SYNE1: variants seen among roughly 807,000 people sequenced by gnomAD.
SYNE1 encodes the protein nesprin-1.
Under a neutral mutation model 1,111.0 loss-of-function variants are expected in SYNE1, and 616 were observed. The ratio of observed to expected loss-of-function variants is 0.55; its 90% confidence interval spans 0.52 to 0.59. The LOEUF is 0.59. Among genes scored for constraint, SYNE1 ranks in the 20% least tolerant of loss-of-function variants. The pLI is 0.00. For missense variants in SYNE1, 10,006 were observed against 10,417.0 expected, an observed-to-expected ratio of 0.96 and a Z score of 1.72; for synonymous variants, 3,855 against 3,825.8, an observed-to-expected ratio of 1.01 and a Z score of -0.28.
rs750417575 is a variant in SYNE1 at position 152,329,963 on chromosome 6, T to G, written c.14722A>C (p.Ser4908Arg). The G allele has an allele frequency of 7.4e-6, 12 of 1,614,114 alleles. No individual in the cohort carries two copies. The highest frequency in any genetic ancestry group is 1.3e-5 in the African/African-American group (1 of 74,940). Residue 4908 changes from serine to arginine, a missense_variant, in exon 78 of 146, where the codon AGT becomes CGT. By Grantham distance (110) the Ser-to-Arg change is moderately radical. Coordinates refer to ENST00000367255, the MANE Select transcript of SYNE1 (RefSeq NM_182961.4). ...DWLRRVKAEL[S>R]GPVYLDLNLQ... Reference sequence around the variant, plus strand: ...TTGAGGTCTAGGTACACCGGCCCACTGAGCTCTGCCTTCACTCTCCTCAGC... The same window carrying G: ...TTGAGGTCTAGGTACACCGGCCCACGGAGCTCTGCCTTCACTCTCCTCAGC...
chr6:152,379,394 C>T (rs59807633), intron 56 of SYNE1, among the ~76,000 whole-genome samples: 259 of 152,072 alleles, frequency 1.7e-3, no homozygotes, highest in Non-Finnish European at 2.3e-3. Context: ...ATATTATATA[C>T]TTTATAGATC....
chr6:152,544,225 G>A (rs1207999208), intron 3 of SYNE1, among the ~76,000 whole-genome samples: 1 of 152,164 alleles, frequency 6.6e-6, no homozygotes, highest in Non-Finnish European at 1.5e-5. Context: ...TTTGGGTGCT[G>A]CACAGCTGTG....
At chr6:152,427,440 G>A (rs2098377378) in intron 38 of SYNE1, among the ~76,000 whole-genome samples, 1 of 151,990 alleles carries the variant, frequency 6.6e-6, no homozygotes, top group Admixed American at 6.6e-5. Flanking sequence ...TCAGATGCCG[G>A]GCATTACATT....
At position 152,352,160 on chromosome 6, in the gene SYNE1, T is replaced by G; in HGVS notation, c.11447A>C (p.His3816Pro). Reference sequence around the variant, plus strand: ...TTTATCTGAGAATTCCTTTGCTAAATGAAGACCTTTTTCCAGCGTCATGTG... The same window carrying G: ...TTTATCTGAGAATTCCTTTGCTAAAGGAAGACCTTTTTCCAGCGTCATGTG... The part of the protein sequence containing the change: ...KEHMTLEKGL[H>P]LAKEFSDKCK... Residue 3816 changes from histidine to proline, a missense_variant, in exon 70 of 146, where the codon CAT becomes CCT. His to Pro is a moderately conservative substitution (Grantham distance 77). Transcript: ENST00000367255. 6.8e-6 allele frequency: 11 copies of G among 1,614,234 alleles called. No individual in the cohort carries two copies. The highest frequency in any genetic ancestry group is 9.3e-6 in the Non-Finnish European group (11 of 1,180,040).
At chr6:152,381,890 C>T (rs1563559586) in intron 55 of SYNE1, among the ~76,000 whole-genome samples, 1 of 152,160 alleles carries the variant, frequency 6.6e-6, no homozygotes. Flanking sequence ...TACCTCAATA[C>T]TAAGTAAACA....
At chr6:152,603,692 G>A (rs1277374208) in intron 3 of SYNE1, among the ~76,000 whole-genome samples, 1 of 151,058 alleles carries the variant, frequency 6.6e-6, no homozygotes, top group African/African-American at 2.4e-5. Context: ...ATGTATATAT[G>A]TTCTAGAATA....
intron 100 of SYNE1, among the ~76,000 whole-genome samples, chr6:152,267,353 C>T (rs9383983): frequency 0.79 from 120,297 of 152,094 alleles, 48,606 homozygotes; most frequent in African/African-American, 0.94. Context: ...CCTGTATATC[C>T]TCTCAGTTGA....
intron 127 of SYNE1, among the ~76,000 whole-genome samples, chr6:152,197,447 A>G (rs556634188): frequency 2.6e-5 from 4 of 152,286 alleles, no homozygotes; most frequent in Non-Finnish European, 4.4e-5. Context: ...CCATCATAGG[A>G]ATCACTATCT....
At chr6:152,541,225 A>G (rs376921514) in intron 3 of SYNE1, among the ~76,000 whole-genome samples, 3 of 152,310 alleles carry the variant, frequency 2.0e-5, no homozygotes, top group African/African-American at 4.8e-5. Flanking sequence ...CAGTATGGAT[A>G]TTTTAACAAT....
intron 123 of SYNE1, 118 bp downstream of exon 123, chr6:152,213,494 C>G (rs2077937196): frequency 8.9e-7 from 1 of 1,119,920 alleles, no homozygotes; most frequent in Non-Finnish European, 1.4e-6. Flanking sequence ...CAAAATGATG[C>G]ATGCATTTAG....
intron 3 of SYNE1, among the ~76,000 whole-genome samples, chr6:152,624,673 A>G (rs777732595): frequency 2.6e-5 from 4 of 152,216 alleles, no homozygotes; most frequent in Non-Finnish European, 5.9e-5. Flanking sequence ...TTATTCTTAA[A>G]AGCAAATGAA....
rs775809491 is a variant in SYNE1, at chr6:152,289,705, C to T, written c.18012+3883G>A. ...GCGGTGGCGCAATCTCGGTTCACTG[C>T]AAGCTCCGCCTCCCAGGTTCACGTC... On this transcript the variant is annotated intron_variant, in intron 95 of 145. Transcript: ENST00000367255. 3.6e-4 allele frequency among the ~76,000 whole-genome samples: 55 copies of T among 152,158 alleles called. 1 individual carries two copies. Among genetic ancestry groups the T allele is most frequent in the Non-Finnish European group, 7.3e-4 (50 of 68,034 alleles).
chr6:152,164,215 A>G lies in SYNE1; in HGVS notation c.23738T>C (p.Val7913Ala), dbSNP rs746086003. ...TTCTTCCGAGTTACAGGAATCGTAG[A>G]CTATTGGCTTGGCCAGCTCTGACTC... The part of the protein sequence containing the change: ...HIESELAKPI[V>A]YDSCNSEEIQ... The change falls in exon 131 of 146, where the codon GTC becomes GCC. Residue 7913 changes from valine (V) to alanine (A), a missense_variant. Physicochemically the swap from Val to Ala is moderately conservative, Grantham distance 64 (BLOSUM62 0). This residue lies in a region of SYNE1 where 2,182 missense variants were observed against 2,287.8 expected (regional missense o/e 0.95). Coordinates refer to ENST00000367255, the MANE Select transcript of SYNE1 (RefSeq NM_182961.4). The G allele has an allele frequency of 6.2e-7, 1 of 1,614,136 alleles. No homozygotes were observed. Among genetic ancestry groups the G allele is most frequent in the East Asian group, 2.2e-5 (1 of 44,872 alleles).
intron 7 of SYNE1, 26 bp downstream of exon 7, chr6:152,510,985 C>G (rs780787238): frequency 6.3e-7 from 1 of 1,597,206 alleles, no homozygotes; most frequent in Non-Finnish European, 8.6e-7. Flanking sequence ...ATTGCATCAA[C>G]TGAAAGAGGA....
chr6:152,494,774 C>A (rs1269968425), intron 11 of SYNE1, among the ~76,000 whole-genome samples: 3 of 152,182 alleles, frequency 2.0e-5, no homozygotes, highest in Non-Finnish European at 4.4e-5. Context: ...TGCTTTACTT[C>A]CAAAGGAAGC....
intron 4 of SYNE1, among the ~76,000 whole-genome samples, chr6:152,533,118 A>G (rs2099213156): frequency 6.6e-6 from 1 of 152,168 alleles, no homozygotes; most frequent in Non-Finnish European, 1.5e-5. Flanking sequence ...TGTTTCCAAT[A>G]TCTTCAGAAA....
chr6:152,255,718 T>C lies in SYNE1; in HGVS notation c.19133A>G (p.His6378Arg). ...TCCATCATACAACTTCTGCTCCAAG[T>C]GTATACTCTGCCTCTTTGCCCCTCC... ...QSGGAKRQSIHLEQKLYDGVS... is the reference protein window; with the variant it reads ...QSGGAKRQSIRLEQKLYDGVS... Residue 6378 changes from histidine to arginine, a missense_variant, in exon 103 of 146, where the codon CAC becomes CGC. Transcript: ENST00000367255. 1 of 1,614,180 alleles carries C rather than the reference T, an allele frequency of 6.2e-7. No homozygotes were observed. Among genetic ancestry groups the C allele is most frequent in the Non-Finnish European group, 8.5e-7 (1 of 1,180,040 alleles).
chr6:152,149,614 G>A lies in SYNE1; in HGVS notation c.24505C>T (p.Gln8169Ter), dbSNP rs200061696. The A allele has an allele frequency of 6.2e-7, 1 of 1,613,988 alleles. No individual in the cohort carries two copies. The highest frequency in any genetic ancestry group is 1.1e-5 in the South Asian group (1 of 91,074). Residue 8169 changes from glutamine (Q) to a stop codon, truncating the protein, a stop_gained, in exon 136 of 146, where the codon CAA becomes TAA. Transcript: ENST00000367255. LOFTEE classifies it high-confidence loss of function. The part of the protein sequence containing the change: ...NHNKIEQIIA[Q>*]GEQLIEKSEP... ...CTCTTTTCTATCAGCTGTTCTCCTTGGGCAATTATCTGCTCAATCTTATTG... is the reference window on the plus strand; with the variant it reads ...CTCTTTTCTATCAGCTGTTCTCCTTAGGCAATTATCTGCTCAATCTTATTG...
chr6:152,498,692 A>C (rs779653400), intron 11 of SYNE1, 50 bp downstream of exon 11: 1 of 1,284,774 alleles, frequency 7.8e-7, no homozygotes, highest in Non-Finnish European at 1.1e-6. Flanking sequence ...ATGCTACAGA[A>C]TGCAGGATGT....
Sources: gnomAD v4.1 joint callset for allele counts (sites outside exome capture counted in the v4.1 genomes callset) on GRCh38, gnomAD v4.1.1 for gene constraint, gnomAD v4.1.1 regional missense constraint, MANE v1.5 for transcripts, NCBI Gene and HGNC (gene_info 2026-07-23, HGNC 2026-07-21) for gene names.